RNLS: variants seen among roughly 807,000 people sequenced by gnomAD.
RNLS encodes renalase, FAD dependent amine oxidase, also known as renalase.
A neutral mutation model predicts 39.8 loss-of-function variants in RNLS; 39 were observed. The ratio of observed to expected loss-of-function variants is 0.98; its 90% CI spans 0.76 to 1.28. RNLS has a LOEUF of 1.28. RNLS is among the 50% of genes most tolerant of loss of function. The pLI, the probability that RNLS is intolerant of heterozygous loss-of-function variation, is 0.00. For missense variants in RNLS, 410 were observed against 413.3 expected (o/e 0.99, Z 0.07); for synonymous variants, 147 against 150.7 (o/e 0.98, Z 0.18).
the RNLS span, among the ~76,000 whole-genome samples, chr10:88,263,824 T>G: frequency 6.6e-6 from 1 of 152,160 alleles, no homozygotes; most frequent in Non-Finnish European, 1.5e-5. Flanking sequence ...CTTCTTCTTC[T>G]TCTTTTAATT....
Position 88,415,481 on chromosome 10 carries a change from T to TC in RNLS, c.527-52757dup, listed in dbSNP as rs931795657. On this transcript the variant is annotated intron_variant, in intron 4 of 6. Coordinates refer to ENST00000331772, the MANE Select transcript of RNLS (RefSeq NM_001031709.3). Reference sequence around the variant, plus strand: ...CTGGTGCTTTTTTAAATGACTTTTTTCCCCCCTCAACAAACTGGTCAATAT... The same window carrying TC: ...CTGGTGCTTTTTTAAATGACTTTTTTCCCCCCCTCAACAAACTGGTCAATAT... Among the ~76,000 whole-genome samples the TC allele has an allele frequency of 3.9e-5, 6 of 152,218 alleles. No homozygotes were observed. The South Asian group carries it at 8.3e-4, about 21-fold the overall frequency.
At chr10:88,545,048 C>T (rs988999421) in intron 4 of RNLS, among the ~76,000 whole-genome samples, 1 of 152,064 alleles carries the variant, frequency 6.6e-6, no homozygotes, top group Non-Finnish European at 1.5e-5. Context: ...GATACCTCTG[C>T]TTTTTGGGTG....
chr10:88,321,264 G>T (rs1053281501), intron 5 of RNLS, among the ~76,000 whole-genome samples: 1 of 152,010 alleles, frequency 6.6e-6, no homozygotes, highest in Non-Finnish European at 1.5e-5. Context: ...AGTGAAAATA[G>T]AAACAAAATA....
intron 4 of RNLS, among the ~76,000 whole-genome samples, chr10:88,527,284 T>G (rs984704284): frequency 1.3e-4 from 20 of 152,130 alleles, no homozygotes; most frequent in African/African-American, 4.8e-4. Flanking sequence ...AAGGTCTATC[T>G]CTGAGAAACT....
intron 4 of RNLS, among the ~76,000 whole-genome samples, chr10:88,507,818 T>C (rs2134138043): frequency 6.6e-6 from 1 of 152,276 alleles, no homozygotes; most frequent in Middle Eastern, 3.4e-3. Context: ...CTAAATCTAC[T>C]GATAAAAGAA....
intron 6 of RNLS, among the ~76,000 whole-genome samples, chr10:88,297,168 G>A (rs1844151847): frequency 6.6e-6 from 1 of 152,116 alleles, no homozygotes; most frequent in East Asian, 1.9e-4. Context: ...TAAGAGTGGG[G>A]TTGCTGGGTC....
intron 4 of RNLS, among the ~76,000 whole-genome samples, chr10:88,430,995 G>A (rs987396395): frequency 6.6e-6 from 1 of 151,542 alleles, no homozygotes; most frequent in Admixed American, 6.6e-5. Flanking sequence ...TCATGAATTA[G>A]GTTGGAAAGT....
At chr10:88,194,971 T>C in the RNLS span, among the ~76,000 whole-genome samples, 3 of 152,212 alleles carry the variant, frequency 2.0e-5, no homozygotes, top group Non-Finnish European at 4.4e-5. Flanking sequence ...CATATGTTCA[T>C]GGAAAACAAA....
chr10:88,235,543 TATC>T, the RNLS span, among the ~76,000 whole-genome samples: 1 of 152,154 alleles, frequency 6.6e-6, no homozygotes. Context: ...TGGATAATAT[TATC>T]ATATCAACTT....
At chr10:88,346,007 C>A (rs1033612467) in intron 5 of RNLS, among the ~76,000 whole-genome samples, 7 of 152,080 alleles carry the variant, frequency 4.6e-5, no homozygotes, top group African/African-American at 1.7e-4. Flanking sequence ...AAGAATTAAT[C>A]ACTCACCAAG....
At chr10:88,210,038 A>C in the RNLS span, among the ~76,000 whole-genome samples, 1 of 152,226 alleles carries the variant, frequency 6.6e-6, no homozygotes, top group African/African-American at 2.4e-5. Flanking sequence ...TGCAATAGAC[A>C]TTTCTCTGAA....
At chr10:88,471,609 A>T (rs141479587) in intron 4 of RNLS, among the ~76,000 whole-genome samples, 2 of 152,204 alleles carry the variant, frequency 1.3e-5, no homozygotes, top group Admixed American at 6.5e-5. Context: ...TTGATGATTC[A>T]TGAGAAGAAC....
At chr10:88,280,728 TCAG>T (rs1391370863), downstream of RNLS, among the ~76,000 whole-genome samples, 2 of 152,176 alleles carry the variant, frequency 1.3e-5, no homozygotes, top group African/African-American at 4.8e-5. Flanking sequence ...AAGCAGCTGG[TCAG>T]CAGGCATTAA....
At chr10:88,461,866 A>G (rs939934110) in intron 4 of RNLS, among the ~76,000 whole-genome samples, 4 of 152,122 alleles carry the variant, frequency 2.6e-5, no homozygotes, top group Admixed American at 1.3e-4. Context: ...ATCTACTCAA[A>G]TAAATATTAT....
At chr10:88,255,681 G>A in the RNLS span, among the ~76,000 whole-genome samples, 3 of 151,914 alleles carry the variant, frequency 2.0e-5, no homozygotes, top group Non-Finnish European at 4.4e-5. Context: ...CTGAATTGCA[G>A]GGCTATGTCT....
chr10:88,413,661 T>C (rs1399116227), intron 4 of RNLS, among the ~76,000 whole-genome samples: 1 of 152,184 alleles, frequency 6.6e-6, no homozygotes, highest in East Asian at 1.9e-4. Flanking sequence ...CCACTTAATT[T>C]TAAAGGCCTC....
chr10:88,236,670 A>G, the RNLS span, among the ~76,000 whole-genome samples: 1 of 152,208 alleles, frequency 6.6e-6, no homozygotes, highest in African/African-American at 2.4e-5. Flanking sequence ...GTTATTTCAT[A>G]GAGCTGTTAT....
intron 6 of RNLS, among the ~76,000 whole-genome samples, chr10:88,295,140 T>C (rs1001353558): frequency 2.0e-5 from 3 of 152,216 alleles, no homozygotes; most frequent in Admixed American, 6.5e-5. Context: ...ATATTTGTTA[T>C]ATTATTAAGA....
At chr10:88,352,866 C>G (rs1086833) in intron 5 of RNLS, among the ~76,000 whole-genome samples, 26,234 of 152,168 alleles carry the variant, frequency 0.17, 2,896 homozygotes, top group Non-Finnish European at 0.26. Flanking sequence ...TAATTATTGC[C>G]TCAATTTCAG....
Sources: gnomAD v4.1 joint callset for allele counts (sites outside exome capture counted in the v4.1 genomes callset) on GRCh38, gnomAD v4.1.1 for gene constraint, MANE v1.5 for transcripts, NCBI Gene and HGNC (gene_info 2026-07-23, HGNC 2026-07-21) for gene names.